Variants in SCHIP1 observed in about 807,000 individuals in gnomAD.
SCHIP1 encodes schwannomin interacting protein 1.
In SCHIP1, 8 loss-of-function variants were observed where a neutral mutation model predicts 29.7. The ratio of observed to expected loss-of-function variants is 0.27; its 90% CI spans 0.16 to 0.49. SCHIP1 has a LOEUF of 0.49. Ranked by LOEUF, SCHIP1 falls within the 20% of genes least tolerant of loss-of-function variation. The pLI is 0.99. For synonymous variants in SCHIP1, 76 were observed against 94.9 expected (o/e 0.80, Z 1.16); for missense variants, 193 against 294.6 (o/e 0.66, Z 2.52).
chr3:159,296,466 A>T, the SCHIP1 span, among the ~76,000 whole-genome samples: 1 of 152,280 alleles, frequency 6.6e-6, no homozygotes, highest in East Asian at 1.9e-4. Context: ...TATGTGTGGT[A>T]AGGACACTTA....
the SCHIP1 span, among the ~76,000 whole-genome samples, chr3:159,619,292 G>T: frequency 1.1e-4 from 17 of 152,144 alleles, 1 homozygote; most frequent in Admixed American, 1.0e-3. Context: ...GTAATGCCTG[G>T]AAATAAAGAG....
the SCHIP1 span, among the ~76,000 whole-genome samples, chr3:159,406,861 T>C: frequency 4.6e-5 from 7 of 152,106 alleles, no homozygotes; most frequent in Non-Finnish European, 7.4e-5. Flanking sequence ...GCAATACTCA[T>C]GGTAATCTCA....
chr3:159,819,242 G>GGA, the SCHIP1 span, among the ~76,000 whole-genome samples: 9 of 151,750 alleles, frequency 5.9e-5, no homozygotes, highest in East Asian at 1.2e-3. Context: ...GGAGCTTGGG[G>GGA]GAGAGAGAGA....
At chr3:159,684,814 A>G in the SCHIP1 span, among the ~76,000 whole-genome samples, 3 of 150,896 alleles carry the variant, frequency 2.0e-5, no homozygotes, top group Non-Finnish European at 4.4e-5. Context: ...AAAAAAAAAA[A>G]AAAGAAAGAA....
chr3:159,820,900 C>G, the SCHIP1 span, among the ~76,000 whole-genome samples: 2 of 152,236 alleles, frequency 1.3e-5, no homozygotes, highest in Non-Finnish European at 1.5e-5. Flanking sequence ...AACTTTCTTC[C>G]AAGATGGAAA....
At chr3:159,607,433 A>C in the SCHIP1 span, among the ~76,000 whole-genome samples, 1 of 152,176 alleles carries the variant, frequency 6.6e-6, no homozygotes, top group Non-Finnish European at 1.5e-5. Context: ...AAATTATAAC[A>C]GAGATCGATA....
chr3:159,274,347 A>G, the SCHIP1 span: 1 of 979,732 alleles, frequency 1.0e-6, no homozygotes, highest in Non-Finnish European at 1.2e-6. Flanking sequence ...ACAAATGTCT[A>G]GGTATTCTAA....
the SCHIP1 span, among the ~76,000 whole-genome samples, chr3:159,712,387 T>G: frequency 4.1e-4 from 62 of 152,302 alleles, no homozygotes; most frequent in African/African-American, 1.5e-3. Flanking sequence ...TTTAAAAAAT[T>G]AATGGATGGG....
At chr3:159,770,719 C>G in the SCHIP1 span, among the ~76,000 whole-genome samples, 1 of 152,194 alleles carries the variant, frequency 6.6e-6, no homozygotes, top group East Asian at 1.9e-4. Context: ...AAAGAGGTTT[C>G]CCCTTTTCCC....
the SCHIP1 span, among the ~76,000 whole-genome samples, chr3:159,755,847 C>T: frequency 2.6e-5 from 4 of 152,242 alleles, no homozygotes; most frequent in African/African-American, 9.6e-5. Flanking sequence ...AGTCTGAAAT[C>T]CAGCAGGGAA....
chr3:159,566,822 A>G, the SCHIP1 span, among the ~76,000 whole-genome samples: 3 of 152,180 alleles, frequency 2.0e-5, no homozygotes, highest in Non-Finnish European at 2.9e-5. Context: ...CCCTAAGTAC[A>G]TGTGCTAGTT....
At chr3:159,509,067 G>A in the SCHIP1 span, among the ~76,000 whole-genome samples, 1 of 152,146 alleles carries the variant, frequency 6.6e-6, no homozygotes, top group South Asian at 2.1e-4. Flanking sequence ...TGACAGTGGG[G>A]TGTTAAAGTC....
the SCHIP1 span, among the ~76,000 whole-genome samples, chr3:159,487,230 T>C: frequency 6.6e-6 from 1 of 152,174 alleles, no homozygotes; most frequent in East Asian, 1.9e-4. Flanking sequence ...GTTGCTTTGT[T>C]GTGATGTGAT....
chr3:159,603,877 A>T, the SCHIP1 span, among the ~76,000 whole-genome samples: 1 of 152,190 alleles, frequency 6.6e-6, no homozygotes, highest in African/African-American at 2.4e-5. Context: ...CTGAGGGAGC[A>T]CAGGACATCA....
the SCHIP1 span, among the ~76,000 whole-genome samples, chr3:159,602,391 C>T: frequency 2.6e-5 from 4 of 152,062 alleles, no homozygotes; most frequent in Admixed American, 6.6e-5. Flanking sequence ...AACCAGAATC[C>T]AGATCTTATT....
At chr3:159,302,440 T>C in the SCHIP1 span, among the ~76,000 whole-genome samples, 1 of 152,198 alleles carries the variant, frequency 6.6e-6, no homozygotes, top group Non-Finnish European at 1.5e-5. Context: ...AAGTTTACAT[T>C]TCCCCCAAGG....
the SCHIP1 span, among the ~76,000 whole-genome samples, chr3:159,659,991 C>T: frequency 6.6e-6 from 1 of 152,264 alleles, no homozygotes; most frequent in South Asian, 2.1e-4. Context: ...ACCATCGAGT[C>T]ATTCTGAGGG....
chr3:159,748,457 A>C, the SCHIP1 span, among the ~76,000 whole-genome samples: 1 of 152,264 alleles, frequency 6.6e-6, no homozygotes, highest in Non-Finnish European at 1.5e-5. Context: ...AATATGGCAA[A>C]ATTATGGAGG....
the SCHIP1 span, among the ~76,000 whole-genome samples, chr3:159,657,280 C>T: frequency 6.6e-6 from 1 of 152,230 alleles, no homozygotes; most frequent in Admixed American, 6.5e-5. Context: ...CCCAGCTCCA[C>T]CTGAAAAGTC....
Sources: gnomAD v4.1 joint callset for allele counts (sites outside exome capture counted in the v4.1 genomes callset) on GRCh38, gnomAD v4.1.1 for gene constraint, MANE v1.5 for transcripts, NCBI Gene and HGNC (gene_info 2026-07-23, HGNC 2026-07-21) for gene names.